The following ZMAT4 variants were observed in gnomAD, a reference collection of about 807,000 sequenced individuals.
The protein encoded by ZMAT4 is zinc finger matrin-type 4.
A neutral mutation model predicts 28.7 loss-of-function variants in ZMAT4; 17 were observed. The observed-to-expected ratio is 0.59, with a 90% CI of 0.41 to 0.89. The LOEUF (loss-of-function observed/expected upper bound fraction) is 0.89. ZMAT4 is among the 40% of genes least tolerant of loss of function. The probability of loss-of-function intolerance (pLI) is 0.00; values close to 1 mark genes in which losing one functional copy is unlikely to be tolerated. For missense variants in ZMAT4, 240 were observed against 283.8 expected, an observed-to-expected ratio of 0.85 and a Z score of 1.11; for synonymous variants, 117 against 109.2, an observed-to-expected ratio of 1.07 and a Z score of -0.44.
chr8:40,730,744 A>G (rs1027804014), intron 3 of ZMAT4, among the ~76,000 whole-genome samples: 3 of 152,212 alleles, frequency 2.0e-5, no homozygotes, highest in Admixed American at 6.5e-5. Flanking sequence ...AAAAGAGCCC[A>G]AGAAAGGATT....
chr8:40,626,585 G>C (rs1363036760), intron 5 of ZMAT4, among the ~76,000 whole-genome samples: 1 of 152,220 alleles, frequency 6.6e-6, no homozygotes, highest in African/African-American at 2.4e-5. Flanking sequence ...AAACACGCAC[G>C]ATGTCTGGGG....
intron 2 of ZMAT4, among the ~76,000 whole-genome samples, chr8:40,798,772 G>A (rs936648258): frequency 1.3e-5 from 2 of 151,718 alleles, no homozygotes; most frequent in Admixed American, 6.6e-5. Context: ...CTAAGGCTTC[G>A]ACCTAGATCG....
intron 2 of ZMAT4, among the ~76,000 whole-genome samples, chr8:40,809,125 A>G (rs1815213933): frequency 6.6e-6 from 1 of 152,194 alleles, no homozygotes; most frequent in Non-Finnish European, 1.5e-5. Flanking sequence ...GGAAAGCCAT[A>G]AAAAAGAAAA....
chr8:40,582,712 A>T (rs12675792), intron 5 of ZMAT4, among the ~76,000 whole-genome samples: 13,428 of 152,234 alleles, frequency 0.088, 939 homozygotes, highest in East Asian at 0.39. Context: ...TATGCAAATT[A>T]TTTGACCCTT....
rs1805395848 is a variant in ZMAT4 at position 40,601,726 on chromosome 8, A to C, written c.578-20465T>G. On this transcript the variant is annotated intron_variant, in intron 5 of 6. Coordinates refer to ENST00000297737, the MANE Select transcript of ZMAT4 (RefSeq NM_024645.3). ...AAAGAAAAGAAAGAAAGAAAGAAAGAAAGAGAAAGCAGGCAGGCAGGCAGG... is the reference window on the plus strand; with the variant it reads ...AAAGAAAAGAAAGAAAGAAAGAAAGCAAGAGAAAGCAGGCAGGCAGGCAGG... 9.1e-5 allele frequency among the ~76,000 whole-genome samples: 6 copies of C among 65,586 alleles called. No individual in the cohort carries two copies. The South Asian group carries it at 2.9e-3, about 32-fold the overall frequency. The allele number at this position is 65,586 out of a possible 152,430, so 43.0% of individuals were successfully genotyped here. A position where few individuals can be genotyped will look rare whatever the true frequency, so the allele number is the denominator to read the frequency against.
chr8:40,550,420 T>C (rs564925159), intron 6 of ZMAT4, among the ~76,000 whole-genome samples: 3 of 152,322 alleles, frequency 2.0e-5, no homozygotes, highest in African/African-American at 7.2e-5. Context: ...TAATTCTGTC[T>C]TGGAATCTGC....
intron 3 of ZMAT4, among the ~76,000 whole-genome samples, chr8:40,718,888 T>A (rs991934631): frequency 1.3e-5 from 2 of 152,186 alleles, no homozygotes; most frequent in Non-Finnish European, 2.9e-5. Flanking sequence ...TCTGATGACA[T>A]TCTTCCTCTA....
intron 5 of ZMAT4, among the ~76,000 whole-genome samples, chr8:40,639,788 A>G (rs931939369): frequency 1.3e-5 from 2 of 151,842 alleles, no homozygotes; most frequent in African/African-American, 2.4e-5. Context: ...ACACACACAC[A>G]CACACACACA....
intron 1 of ZMAT4, among the ~76,000 whole-genome samples, chr8:40,837,692 G>A (rs1816546425): frequency 6.6e-6 from 1 of 152,168 alleles, no homozygotes; most frequent in South Asian, 2.1e-4. Context: ...CACTGAGAAT[G>A]CTCATTCAGG....
intron 6 of ZMAT4, among the ~76,000 whole-genome samples, chr8:40,534,713 C>A (rs1050410363): frequency 7.3e-5 from 10 of 136,410 alleles, no homozygotes; most frequent in Non-Finnish European, 1.2e-4. Flanking sequence ...GACTGAGTCA[C>A]GCTTTGTCGC....
At chr8:40,795,901 A>G (rs2150582674) in intron 2 of ZMAT4, among the ~76,000 whole-genome samples, 1 of 152,294 alleles carries the variant, frequency 6.6e-6, no homozygotes, top group South Asian at 2.1e-4. Flanking sequence ...ATGAACCTGA[A>G]AAGCAAAAGA....
chr8:40,715,277 G>A (rs1195728908), intron 3 of ZMAT4, among the ~76,000 whole-genome samples: 1 of 152,044 alleles, frequency 6.6e-6, no homozygotes, highest in Non-Finnish European at 1.5e-5. Context: ...GATGAGCTCA[G>A]GCAGTGATGG....
chr8:40,801,369 T>TATATATATATATATATATATAC, intron 2 of ZMAT4, among the ~76,000 whole-genome samples: 2 of 146,094 alleles, frequency 1.4e-5, no homozygotes, highest in African/African-American at 5.1e-5. Flanking sequence ...TATATATATA[T>TATATATATATATATATATATAC]ATACATATAT....
rs189500602 is a variant in ZMAT4 at position 40,776,353 on chromosome 8, T to C, written c.103-8623A>G. Among the ~76,000 whole-genome samples the C allele has an allele frequency of 1.3e-3, 204 of 152,356 alleles. 1 individual carries two copies. The highest frequency in any genetic ancestry group is 4.6e-3 in the African/African-American group (192 of 41,590). On this transcript the variant is annotated intron_variant, in intron 2 of 6. Coordinates refer to ENST00000297737, the MANE Select transcript of ZMAT4 (RefSeq NM_024645.3). Reference sequence around the variant, plus strand: ...GAGAAAAAAATCATGTACGGTGGGATGTGCAGTGCCTGTGATTGTGGAATC... The same window carrying C: ...GAGAAAAAAATCATGTACGGTGGGACGTGCAGTGCCTGTGATTGTGGAATC...
chr8:40,864,548 A>C (rs2150647808), intron 1 of ZMAT4, among the ~76,000 whole-genome samples: 1 of 152,302 alleles, frequency 6.6e-6, no homozygotes, highest in East Asian at 1.9e-4. Context: ...GGCATCACAC[A>C]TACCCTGTGT....
chr8:40,636,161 G>A (rs1356512319), intron 5 of ZMAT4, among the ~76,000 whole-genome samples: 4 of 152,208 alleles, frequency 2.6e-5, no homozygotes, highest in Non-Finnish European at 5.9e-5. Context: ...TTCAGTGGAC[G>A]TGAGAAAATG....
chr8:40,674,001 A>AT (rs1162201084), intron 5 of ZMAT4, among the ~76,000 whole-genome samples: 3 of 150,630 alleles, frequency 2.0e-5, no homozygotes, highest in Non-Finnish European at 4.4e-5. Context: ...AATTGAGTCA[A>AT]TTTGTTGCTT....
chr8:40,879,930 C>T (rs1586212426), intron 1 of ZMAT4, among the ~76,000 whole-genome samples: 1 of 112,874 alleles, frequency 8.9e-6, no homozygotes, highest in African/African-American at 3.0e-5. Context: ...AACTAGTTTA[C>T]TTAACTAGTT....
chr8:40,708,836 A>G (rs953240173), intron 3 of ZMAT4, among the ~76,000 whole-genome samples: 2 of 151,660 alleles, frequency 1.3e-5, no homozygotes, highest in African/African-American at 4.8e-5. Flanking sequence ...TTTAGTAGAG[A>G]TGGGCTTTCA....
Sources: gnomAD v4.1 joint callset for allele counts (sites outside exome capture counted in the v4.1 genomes callset) on GRCh38, gnomAD v4.1.1 for gene constraint, MANE v1.5 for transcripts, NCBI Gene and HGNC (gene_info 2026-07-23, HGNC 2026-07-21) for gene names.